Variants in RASGEF1A observed in about 807,000 individuals in gnomAD.
RASGEF1A encodes ras-GEF domain-containing family member 1A.
Under a neutral mutation model 56.4 loss-of-function variants are expected in RASGEF1A, and 18 were observed. The ratio of observed to expected loss-of-function variants is 0.32; its 90% CI spans 0.22 to 0.47. RASGEF1A has a LOEUF of 0.47. Ranked by LOEUF, RASGEF1A falls within the 20% of genes least tolerant of loss-of-function variation. RASGEF1A has a pLI of 1.00. For synonymous variants in RASGEF1A, 245 were observed against 242.6 expected, an observed-to-expected ratio of 1.01 and a Z score of -0.09; for missense variants, 422 against 627.1, an observed-to-expected ratio of 0.67 and a Z score of 3.49.
intron 1 of RASGEF1A, among the ~76,000 whole-genome samples, chr10:43,209,734 A>C (rs1026592868): frequency 3.3e-5 from 5 of 152,086 alleles, no homozygotes; most frequent in African/African-American, 1.2e-4. Flanking sequence ...CAGCTTGCTC[A>C]ACCAGCATTT....
chr10:43,197,043 C>T lies in RASGEF1A; in HGVS notation c.1281G>A (p.Glu427=). Residue 427 remains glutamate (E), a synonymous_variant, in exon 11 of 13, where the codon GAG becomes GAA. Coordinates refer to ENST00000395810, the MANE Select transcript of RASGEF1A (RefSeq NM_145313.4). ...IHEFMTWTQV[E]CPFEKDKKIQ... is the part of the protein sequence containing the mutation. ...TCTTCTTGTCCTTCTCGAAAGGACA[C>T]TCTACCTGTGTCCATGTCATGAACT... The T allele has an allele frequency of 6.2e-7, 1 of 1,614,054 alleles. No individual in the cohort carries two copies.
At chr10:43,247,337 C>T (rs1297652827) in intron 1 of RASGEF1A, among the ~76,000 whole-genome samples, 1 of 68,876 alleles carries the variant, frequency 1.5e-5, no homozygotes, top group African/African-American at 5.2e-5. Flanking sequence ...GCAATCTATT[C>T]AGAAAATGAT....
intron 1 of RASGEF1A, among the ~76,000 whole-genome samples, chr10:43,242,117 G>A (rs180764746): frequency 1.9e-3 from 286 of 152,132 alleles, no homozygotes; most frequent in Admixed American, 0.014. Context: ...CAGCCTAGAC[G>A]ACAGAACGAG....
intron 1 of RASGEF1A, among the ~76,000 whole-genome samples, chr10:43,239,810 A>C (rs1423666177): frequency 6.6e-6 from 1 of 152,248 alleles, no homozygotes; most frequent in Non-Finnish European, 1.5e-5. Flanking sequence ...TCTCAAGTAC[A>C]AAAATCATAT....
At chr10:43,231,747 C>T (rs1025163248) in intron 1 of RASGEF1A, among the ~76,000 whole-genome samples, 18 of 152,234 alleles carry the variant, frequency 1.2e-4, no homozygotes, top group African/African-American at 2.2e-4. Flanking sequence ...CCTGAGGATG[C>T]GAGGAGGCTG....
In RASGEF1A at chr10:43,254,217, G is replaced by A. The variant is rs539351119; in HGVS notation, c.-7+12628C>T. ...CTTCAGGGAGGGCGGGAGACAAACAGAGGGGGCCTTCAGGGTCCTCTTGGG... is the reference window on the plus strand; with the variant it reads ...CTTCAGGGAGGGCGGGAGACAAACAAAGGGGGCCTTCAGGGTCCTCTTGGG... On this transcript the variant is annotated intron_variant, in intron 1 of 12. Coordinates refer to ENST00000395810, the MANE Select transcript of RASGEF1A (RefSeq NM_145313.4). Among the ~76,000 whole-genome samples, 152 of 152,352 alleles carry A rather than the reference G, an allele frequency of 1.0e-3. 1 individual carries two copies. Among genetic ancestry groups the A allele is most frequent in the Non-Finnish European group, 1.8e-3 (125 of 68,024 alleles).
chr10:43,209,740 C>T (rs1000842778), intron 1 of RASGEF1A, among the ~76,000 whole-genome samples: 4 of 152,156 alleles, frequency 2.6e-5, no homozygotes, highest in Non-Finnish European at 5.9e-5. Flanking sequence ...GCTCAACCAG[C>T]ATTTGTGGGA....
intron 4 of RASGEF1A, among the ~76,000 whole-genome samples, chr10:43,201,458 C>T (rs754948916): frequency 6.6e-6 from 1 of 152,204 alleles, no homozygotes; most frequent in Non-Finnish European, 1.5e-5. Flanking sequence ...GCCTTACCCC[C>T]ACCTCCTCTC....
rs12258724 is a variant in RASGEF1A at position 43,210,702 on chromosome 10, C to T, written c.-6-4580G>A. On this transcript the variant is annotated intron_variant, in intron 1 of 12. Transcript: ENST00000395810. ...CTGCACCAGACCCATCTCGAGGCAG[C>T]AGACCCTGTGAAGGGCTCAGGAAGC... 7.0e-3 allele frequency among the ~76,000 whole-genome samples: 1,064 copies of T among 152,356 alleles called. 19 individuals carry two copies. The highest frequency in any genetic ancestry group is 0.024 in the African/African-American group (1,007 of 41,590).
At chr10:43,198,756 A>C (rs561876098) in intron 9 of RASGEF1A, among the ~76,000 whole-genome samples, 177 bp downstream of exon 9, 1 of 152,326 alleles carries the variant, frequency 6.6e-6, no homozygotes, top group African/African-American at 2.4e-5. Context: ...GTAACCGAGG[A>C]CAACTTAAGT....
At chr10:43,207,572 A>G (rs1840014783) in intron 1 of RASGEF1A, 10 of 985,572 alleles carry the variant, frequency 1.0e-5, no homozygotes, top group Middle Eastern at 5.2e-4. Context: ...GCAAGAACGC[A>G]ACCAAAGGCC....
At chr10:43,239,344 C>T (rs1394705951) in intron 1 of RASGEF1A, among the ~76,000 whole-genome samples, 1 of 152,182 alleles carries the variant, frequency 6.6e-6, no homozygotes, top group Admixed American at 6.5e-5. Flanking sequence ...TTTAAAGAGA[C>T]ATCCCAGAAG....
chr10:43,196,731 T>C lies in RASGEF1A; in HGVS notation c.1349-183A>G, dbSNP rs1286144088. Among the ~76,000 whole-genome samples the C allele has an allele frequency of 6.6e-6, 1 of 152,212 alleles. No individual in the cohort carries two copies. The highest frequency in any genetic ancestry group is 1.5e-5 in the Non-Finnish European group (1 of 68,026). ...GGGGACTCTAGGAAGGTTCCTCGTG[T>C]TGCAGCACCTGACCTAAGCCCATGT... On this transcript the variant is annotated intron_variant, in intron 11 of 12. Coordinates refer to ENST00000395810, the MANE Select transcript of RASGEF1A (RefSeq NM_145313.4). The surrounding 1 kb of genome is among the most constrained non-coding windows in gnomAD (Gnocchi z 4.6).
intron 1 of RASGEF1A, among the ~76,000 whole-genome samples, chr10:43,212,975 G>GTTGAGTGGAGGTCACTATC (rs1282504614): frequency 6.6e-6 from 1 of 152,212 alleles, no homozygotes; most frequent in African/African-American, 2.4e-5. Context: ...AGGTCACTAT[G>GTTGAGTGGAGGTCACTATC]TTAAGTGGAG....
intron 1 of RASGEF1A, among the ~76,000 whole-genome samples, chr10:43,230,331 C>T (rs12570625): frequency 0.076 from 11,626 of 152,156 alleles, 507 homozygotes; most frequent in South Asian, 0.16. Flanking sequence ...AGGGCTGATC[C>T]GAGCCGCAGC....
chr10:43,212,296 G>A (rs12265842), intron 1 of RASGEF1A, among the ~76,000 whole-genome samples: 2 of 152,308 alleles, frequency 1.3e-5, no homozygotes, highest in South Asian at 2.1e-4. Context: ...CCAATAAAGC[G>A]AGCACAGCCA....
chr10:43,224,889 C>T (rs114130410), intron 1 of RASGEF1A, among the ~76,000 whole-genome samples: 2,364 of 152,290 alleles, frequency 0.016, 65 homozygotes, highest in African/African-American at 0.054. Flanking sequence ...TAATCAATTA[C>T]CTAACATAAA....
intron 1 of RASGEF1A, among the ~76,000 whole-genome samples, chr10:43,230,023 G>A (rs1368820712): frequency 6.6e-6 from 1 of 151,976 alleles, no homozygotes; most frequent in African/African-American, 2.4e-5. Flanking sequence ...GAGGCTGGAC[G>A]GGGCGTCCGG....
rs1029333792 is a variant in RASGEF1A at position 43,196,272 on chromosome 10, G to C, written c.1422-4C>G. 3.7e-6 allele frequency: 6 copies of C among 1,613,608 alleles called. No individual in the cohort carries two copies. Among genetic ancestry groups the C allele is most frequent in the Admixed American group, 1.7e-5 (1 of 60,010 alleles). ...GGCTCTGTTCAGAAGGGTGGTCCTAGAGGGGGACAGGACAAGCAGTGCTCA... is the reference window on the plus strand; with the variant it reads ...GGCTCTGTTCAGAAGGGTGGTCCTACAGGGGGACAGGACAAGCAGTGCTCA... On this transcript the variant is annotated splice_polypyrimidine_tract_variant and splice_region_variant and intron_variant, in intron 12 of 12. Transcript: ENST00000395810. The surrounding 1 kb of genome is among the most constrained non-coding windows in gnomAD (Gnocchi z 4.6).
Sources: gnomAD v4.1 joint callset for allele counts (sites outside exome capture counted in the v4.1 genomes callset) on GRCh38, gnomAD v4.1.1 for gene constraint, Gnocchi (gnomAD v3.1) non-coding constraint, MANE v1.5 for transcripts, NCBI Gene and HGNC (gene_info 2026-07-23, HGNC 2026-07-21) for gene names.